Variants in ADGRL2 observed in about 807,000 individuals in gnomAD.
ADGRL2 encodes the protein calcium-independent alpha-latrotoxin receptor 2.
In ADGRL2, 44 loss-of-function variants were observed where a neutral mutation model predicts 157.4. The observed-to-expected ratio is 0.28, with a 90% confidence interval of 0.22 to 0.36. The LOEUF is 0.36. Among genes scored for constraint, ADGRL2 ranks in the 10% least tolerant of loss-of-function variants. ADGRL2 has a pLI of 1.00. For synonymous variants in ADGRL2, 585 were observed against 624.7 expected (o/e 0.94, Z 0.95); for missense variants, 1,510 against 1,768.9 (o/e 0.85, Z 2.63).
At chr1:81,628,612 T>A (rs1389845758) in intron 3 of ADGRL2, among the ~76,000 whole-genome samples, 2 of 152,138 alleles carry the variant, frequency 1.3e-5, no homozygotes, top group Non-Finnish European at 2.9e-5. Context: ...AAACTACCTA[T>A]TTCCTCAGCA....
intron 1 of ADGRL2, among the ~76,000 whole-genome samples, chr1:81,327,332 A>G (rs1298930037): frequency 6.6e-6 from 1 of 152,160 alleles, no homozygotes; most frequent in Non-Finnish European, 1.5e-5. Flanking sequence ...TTTCCTTTGG[A>G]AAGTGCTCAA....
intron 1 of ADGRL2, among the ~76,000 whole-genome samples, chr1:81,323,514 A>G (rs369367218): frequency 6.6e-6 from 1 of 151,342 alleles, no homozygotes; most frequent in Non-Finnish European, 1.5e-5. Flanking sequence ...CAGACTCCCA[A>G]AATGCTGGGG....
At chr1:81,381,653 A>T (rs1206155268) in intron 1 of ADGRL2, among the ~76,000 whole-genome samples, 1 of 152,090 alleles carries the variant, frequency 6.6e-6, no homozygotes, top group Non-Finnish European at 1.5e-5. Context: ...TTTGTCTCCT[A>T]CTCAGTAACT....
intron 1 of ADGRL2, among the ~76,000 whole-genome samples, chr1:81,318,928 CTTTTTTTTTTTTTTT>C (rs397980625): frequency 2.2e-5 from 1 of 45,794 alleles, no homozygotes; most frequent in Admixed American, 4.0e-4. Flanking sequence ...TCCATCAATT[CTTTTTTTTTTTTTTT>C]TTTTTTTTTT....
At chr1:81,537,790 C>G (rs2079781084) in intron 2 of ADGRL2, among the ~76,000 whole-genome samples, 1 of 151,744 alleles carries the variant, frequency 6.6e-6, no homozygotes, top group African/African-American at 2.4e-5. Flanking sequence ...ACCTCCACCT[C>G]CCAGGTTCAA....
At chr1:81,665,824 A>T (rs1362447301) in intron 3 of ADGRL2, among the ~76,000 whole-genome samples, 1 of 152,130 alleles carries the variant, frequency 6.6e-6, no homozygotes, top group Non-Finnish European at 1.5e-5. Flanking sequence ...TTATGTCAAT[A>T]ACCAGTCTCA....
chr1:81,415,925 C>T (rs535895214), intron 1 of ADGRL2, among the ~76,000 whole-genome samples: 1 of 151,544 alleles, frequency 6.6e-6, no homozygotes, highest in Non-Finnish European at 1.5e-5. Flanking sequence ...ACTGCAAGCT[C>T]GGCCTCCCGG....
At chr1:81,959,807 T>G (rs1428745879) in intron 11 of ADGRL2, among the ~76,000 whole-genome samples, 1 of 145,256 alleles carries the variant, frequency 6.9e-6, no homozygotes, top group African/African-American at 2.5e-5. Context: ...TTGAGTTTTG[T>G]TTTTTTTTTT....
At chr1:81,828,185 A>G (rs186275396) in intron 1 of ADGRL2, among the ~76,000 whole-genome samples, 15 of 152,336 alleles carry the variant, frequency 9.8e-5, no homozygotes, top group African/African-American at 3.1e-4. Context: ...CTTTCACACT[A>G]CAGTGGCAGA....
At chr1:81,546,073 T>G (rs982063367) in intron 2 of ADGRL2, among the ~76,000 whole-genome samples, 1 of 152,112 alleles carries the variant, frequency 6.6e-6, no homozygotes, top group African/African-American at 2.4e-5. Flanking sequence ...TCTGTACTGT[T>G]TCCTGCTTTA....
intron 3 of ADGRL2, among the ~76,000 whole-genome samples, chr1:81,592,460 T>G (rs927859293): frequency 2.6e-5 from 4 of 152,200 alleles, no homozygotes; most frequent in African/African-American, 7.2e-5. Context: ...TGCCAGGGAC[T>G]AACAATAATG....
chr1:81,962,217 A>G (rs1025419141), intron 11 of ADGRL2, among the ~76,000 whole-genome samples: 2 of 152,210 alleles, frequency 1.3e-5, no homozygotes, highest in Admixed American at 1.3e-4. Context: ...ACTGTTGTCA[A>G]TCTAATGAGT....
chr1:81,823,631 A>G (rs2091209682), intron 1 of ADGRL2, among the ~76,000 whole-genome samples: 1 of 152,048 alleles, frequency 6.6e-6, no homozygotes, highest in African/African-American at 2.4e-5. Flanking sequence ...AGCACTCTGT[A>G]CTATGGACAA....
chr1:81,339,204 G>A (rs1431196480), intron 1 of ADGRL2, among the ~76,000 whole-genome samples: 1 of 152,176 alleles, frequency 6.6e-6, no homozygotes, highest in Non-Finnish European at 1.5e-5. Context: ...CAGGCCTATA[G>A]GGAAGGCGCT....
At chr1:81,669,798 C>T (rs2082832957) in intron 3 of ADGRL2, among the ~76,000 whole-genome samples, 2 of 152,042 alleles carry the variant, frequency 1.3e-5, no homozygotes, top group South Asian at 2.1e-4. Flanking sequence ...AAAAAATTAG[C>T]CAGGCATGGT....
intron 1 of ADGRL2, among the ~76,000 whole-genome samples, chr1:81,341,055 A>G (rs1662038188): frequency 6.6e-6 from 1 of 152,140 alleles, no homozygotes; most frequent in Non-Finnish European, 1.5e-5. Context: ...AAGGTAATCG[A>G]CGGTTACAAA....
At chr1:81,872,626 T>C (rs1208626955) in intron 2 of ADGRL2, among the ~76,000 whole-genome samples, 4 of 152,120 alleles carry the variant, frequency 2.6e-5, no homozygotes, top group African/African-American at 4.8e-5. Context: ...AGTTTGGCTG[T>C]TGTAATACTC....
intron 1 of ADGRL2, among the ~76,000 whole-genome samples, chr1:81,367,161 A>G (rs2076080632): frequency 1.3e-5 from 2 of 152,166 alleles, no homozygotes; most frequent in South Asian, 4.2e-4. Flanking sequence ...ACCAGTTTCT[A>G]TGTACTTGGA....
chr1:81,977,578 C>T (rs912024586), intron 17 of ADGRL2, among the ~76,000 whole-genome samples: 16 of 146,798 alleles, frequency 1.1e-4, no homozygotes, highest in African/African-American at 4.3e-4. Flanking sequence ...TTTTCTACTC[C>T]TCTTCTTTTT....
Sources: gnomAD v4.1 joint callset for allele counts (sites outside exome capture counted in the v4.1 genomes callset) on GRCh38, gnomAD v4.1.1 for gene constraint, MANE v1.5 for transcripts, NCBI Gene and HGNC (gene_info 2026-07-23, HGNC 2026-07-21) for gene names.